The following FYN variants were observed in gnomAD, a reference collection of about 807,000 sequenced individuals.
FYN encodes FYN proto-oncogene, Src family tyrosine kinase.
FYN carries 10 observed loss-of-function variants against 70.2 expected under a neutral mutation model. The observed-to-expected ratio is 0.14, with a 90% CI of 0.09 to 0.24. The LOEUF (loss-of-function observed/expected upper bound fraction) is 0.24, where lower values mean the gene tolerates loss of function less well. Among genes scored for constraint, FYN ranks in the 10% least tolerant of loss-of-function variants. The pLI, the probability that FYN is intolerant of heterozygous loss-of-function variation, is 1.00. For missense variants in FYN, 319 were observed against 673.1 expected (o/e 0.47, Z 5.82); for synonymous variants, 236 against 248.6 (o/e 0.95, Z 0.48).
chr6:111,690,947 T>C (rs191860868), intron 12 of FYN, among the ~76,000 whole-genome samples: 8 of 152,338 alleles, frequency 5.3e-5, no homozygotes, highest in South Asian at 4.1e-4. Context: ...AGTCCTTTCA[T>C]AGATAAGGCA....
chr6:111,857,490 G>A (rs1466589219), intron 1 of FYN, among the ~76,000 whole-genome samples: 4 of 152,120 alleles, frequency 2.6e-5, no homozygotes, highest in Non-Finnish European at 2.9e-5. Flanking sequence ...ACTAAGCCAC[G>A]ATTTATCAAA....
intron 3 of FYN, among the ~76,000 whole-genome samples, chr6:111,763,272 C>A (rs1803082846): frequency 6.6e-6 from 1 of 152,282 alleles, no homozygotes; most frequent in East Asian, 1.9e-4. Flanking sequence ...AAGCTGTAAC[C>A]CAGCCACCCT....
Position 111,670,951 on chromosome 6 carries a change from G to T in FYN, c.1405+3548C>A, listed in dbSNP as rs530860601. ...ACAACAATCCATCAGTATGAAATCA[G>T]TTCTAATCTTGAAGTAAAGAAAGCT... is the stretch of plus-strand genomic sequence containing the variant. On this transcript the variant is annotated intron_variant, in intron 13 of 13. Transcript: ENST00000354650. Among the ~76,000 whole-genome samples, 431 of 152,328 alleles carry T rather than the reference G, an allele frequency of 2.8e-3. 1 individual carries two copies. The highest frequency in any genetic ancestry group is 9.9e-3 in the African/African-American group (413 of 41,558).
intron 2 of FYN, among the ~76,000 whole-genome samples, chr6:111,781,673 T>C (rs1771179563): frequency 6.6e-6 from 1 of 152,214 alleles, no homozygotes; most frequent in Non-Finnish European, 1.5e-5. Flanking sequence ...GGCCTGGCCA[T>C]TGTCAAGGGC....
At chr6:111,685,173 G>C (rs1442537546) in intron 12 of FYN, among the ~76,000 whole-genome samples, 14 of 152,224 alleles carry the variant, frequency 9.2e-5, no homozygotes, top group Non-Finnish European at 2.1e-4. Context: ...GAACTCACCT[G>C]AGTGATCAAC....
intron 2 of FYN, among the ~76,000 whole-genome samples, chr6:111,805,243 T>A (rs796449708): frequency 3.3e-5 from 5 of 152,332 alleles, no homozygotes; most frequent in African/African-American, 1.2e-4. Flanking sequence ...GGCATTCCCA[T>A]CACTAAAGTG....
chr6:111,745,131 A>C (rs1179736879), intron 3 of FYN, among the ~76,000 whole-genome samples: 2 of 152,180 alleles, frequency 1.3e-5, no homozygotes, highest in African/African-American at 4.8e-5. Flanking sequence ...TGAGTGAATG[A>C]ATCTATCCAT....
chr6:111,836,723 C>T (rs553023748), intron 2 of FYN, among the ~76,000 whole-genome samples: 33 of 152,304 alleles, frequency 2.2e-4, no homozygotes, highest in African/African-American at 7.9e-4. Flanking sequence ...GACTGTGTCA[C>T]TGCACTCCAG....
intron 2 of FYN, among the ~76,000 whole-genome samples, chr6:111,835,211 C>G (rs1407091787): frequency 6.6e-6 from 1 of 152,138 alleles, no homozygotes; most frequent in African/African-American, 2.4e-5. Context: ...CCTATAACAA[C>G]CAGAGAAACT....
intron 3 of FYN, among the ~76,000 whole-genome samples, chr6:111,734,554 TG>T (rs1052268355): frequency 6.6e-6 from 1 of 152,236 alleles, no homozygotes; most frequent in African/African-American, 2.4e-5. Context: ...TGACATGCTG[TG>T]GTCTTGACCC....
intron 12 of FYN, 47 bp from the exon 13 acceptor site, chr6:111,674,677 T>C (rs755502848): frequency 1.3e-6 from 2 of 1,597,138 alleles, no homozygotes; most frequent in South Asian, 1.1e-5. Context: ...GGCACTGCAA[T>C]GGGCATGGGG....
intron 9 of FYN, chr6:111,699,863 T>A (rs956005679): frequency 4.5e-6 from 3 of 660,760 alleles, no homozygotes; most frequent in Non-Finnish European, 7.3e-6. Context: ...GAATTGAGAG[T>A]CATGTAATAG....
chr6:111,823,615 T>C (rs1400644896), intron 2 of FYN, among the ~76,000 whole-genome samples: 1 of 152,200 alleles, frequency 6.6e-6, no homozygotes, highest in African/African-American at 2.4e-5. Context: ...ATATCCAATA[T>C]TTGAACTAAA....
intron 3 of FYN, among the ~76,000 whole-genome samples, chr6:111,732,267 T>G (rs1801499199): frequency 6.6e-6 from 1 of 152,212 alleles, no homozygotes; most frequent in African/African-American, 2.4e-5. Flanking sequence ...ACTTGGCCTA[T>G]GAATGAGGTA....
intron 4 of FYN, among the ~76,000 whole-genome samples, chr6:111,717,174 T>C (rs1275368564): frequency 2.6e-5 from 4 of 152,232 alleles, no homozygotes; most frequent in Non-Finnish European, 5.9e-5. Context: ...TGTAGTTTTC[T>C]TTCCTAGGAC....
intron 2 of FYN, among the ~76,000 whole-genome samples, chr6:111,795,655 G>C (rs892063148): frequency 2.0e-5 from 3 of 152,148 alleles, no homozygotes; most frequent in African/African-American, 2.4e-5. Context: ...AGCAAAATCA[G>C]AAACAGAAGG....
At chr6:111,728,620 G>A (rs1449404235) in intron 3 of FYN, among the ~76,000 whole-genome samples, 1 of 152,118 alleles carries the variant, frequency 6.6e-6, no homozygotes, top group East Asian at 1.9e-4. Flanking sequence ...TTTGTGATTG[G>A]CTTCCTTTGC....
At chr6:111,719,286 T>C (rs1425846308) in intron 4 of FYN, among the ~76,000 whole-genome samples, 1 of 142,610 alleles carries the variant, frequency 7.0e-6, no homozygotes, top group African/African-American at 2.6e-5. Context: ...TATAGCCTTG[T>C]GGTATGAAAG....
At chr6:111,833,801 T>A (rs1773096926) in intron 2 of FYN, among the ~76,000 whole-genome samples, 1 of 152,196 alleles carries the variant, frequency 6.6e-6, no homozygotes, top group African/African-American at 2.4e-5. Context: ...GTGCACACAC[T>A]CTAAGACCCA....
Sources: gnomAD v4.1 joint callset for allele counts (sites outside exome capture counted in the v4.1 genomes callset) on GRCh38, gnomAD v4.1.1 for gene constraint, MANE v1.5 for transcripts, NCBI Gene and HGNC (gene_info 2026-07-23, HGNC 2026-07-21) for gene names.